The following RPS6KA2 variants were observed in gnomAD, a reference collection of about 807,000 sequenced individuals.
RPS6KA2 encodes ribosomal protein S6 kinase A2, also known as ribosomal protein S6 kinase alpha-2.
A neutral mutation model predicts 91.8 loss-of-function variants in RPS6KA2; 42 were observed. The ratio of observed to expected loss-of-function variants is 0.46; its 90% CI spans 0.36 to 0.59. The LOEUF (loss-of-function observed/expected upper bound fraction) is 0.59. Ranked by LOEUF, RPS6KA2 falls within the 20% of genes least tolerant of loss-of-function variation. The pLI is 0.00. For missense variants in RPS6KA2, 798 were observed against 978.5 expected (o/e 0.82, Z 2.46); for synonymous variants, 414 against 393.6 (o/e 1.05, Z -0.61).
At chr6:166,541,118 T>C (rs1028594487) in intron 1 of RPS6KA2, among the ~76,000 whole-genome samples, 1 of 152,182 alleles carries the variant, frequency 6.6e-6, no homozygotes, top group Non-Finnish European at 1.5e-5. Flanking sequence ...GCTCCCATCA[T>C]GCAGCTGTGT....
intron 17 of RPS6KA2, among the ~76,000 whole-genome samples, chr6:166,420,862 C>G (rs1443252572): frequency 6.6e-6 from 1 of 152,162 alleles, no homozygotes; most frequent in Admixed American, 6.6e-5. Context: ...GAGGGCAATC[C>G]TCTGATATAG....
At chr6:166,688,520 T>G (rs1789093853) in intron 2 of RPS6KA2, among the ~76,000 whole-genome samples, 1 of 152,092 alleles carries the variant, frequency 6.6e-6, no homozygotes. Context: ...CCCCTAGCAA[T>G]GAGCAGAACC....
rs1781745833 is a variant in RPS6KA2, at chr6:166,495,240, T to C, written c.747+3268A>G. ...GTTGGGTTGAGATCAAATGTGAAGA[T>C]GGCCAGGCAGCCTTAGCTTGTGGTC... On this transcript the variant is annotated intron_variant, in intron 8 of 20. Transcript: ENST00000265678. This position sits in a 1 kb window ranked among gnomAD's most constrained non-coding sequence, Gnocchi z 4.4. Among the ~76,000 whole-genome samples, 1 of 151,982 alleles carries C rather than the reference T, an allele frequency of 6.6e-6. No homozygotes were observed. The highest frequency in any genetic ancestry group is 1.5e-5 in the Non-Finnish European group (1 of 68,038).
In RPS6KA2 at chr6:166,770,038, C is replaced by T. The variant is rs1416352936; in HGVS notation, c.123+88162G>A. Among the ~76,000 whole-genome samples, 1 of 152,198 alleles carries T rather than the reference C, an allele frequency of 6.6e-6. No homozygotes were observed. The highest frequency in any genetic ancestry group is 1.5e-5 in the Non-Finnish European group (1 of 68,032). On this transcript the variant is annotated intron_variant, in intron 2 of 21. Transcript: ENST00000503859. The surrounding 1 kb of genome is among the most constrained non-coding windows in gnomAD (Gnocchi z 5.1). The stretch of plus-strand genomic sequence containing the variant: ...AGTTTAACGTATCAATGTAGATGAA[C>T]ATAAGCTCAACCAGAAACCAACTTC...
At chr6:166,819,414 AC>A (rs1779847657) in intron 2 of RPS6KA2, among the ~76,000 whole-genome samples, 1 of 152,006 alleles carries the variant, frequency 6.6e-6, no homozygotes, top group Non-Finnish European at 1.5e-5. Context: ...AACCCCATAT[AC>A]CCATATCTGC....
chr6:166,597,637 T>C (rs774708061), intron 1 of RPS6KA2, among the ~76,000 whole-genome samples: 5 of 152,246 alleles, frequency 3.3e-5, no homozygotes, highest in Admixed American at 6.5e-5. Context: ...ATCATGGAGC[T>C]GATAACATGC....
intron 2 of RPS6KA2, among the ~76,000 whole-genome samples, chr6:166,820,115 T>C (rs1375552077): frequency 2.0e-5 from 3 of 152,220 alleles, no homozygotes; most frequent in Non-Finnish European, 4.4e-5. Flanking sequence ...GGGCTATCTG[T>C]ATGTATCTTT....
chr6:166,672,714 C>A (rs1788504938), intron 2 of RPS6KA2, among the ~76,000 whole-genome samples: 1 of 152,182 alleles, frequency 6.6e-6, no homozygotes, highest in Non-Finnish European at 1.5e-5. Flanking sequence ...CAGAGGGGGG[C>A]CGGCTCACCG....
At chr6:166,735,265 G>A (rs753945054) in intron 2 of RPS6KA2, among the ~76,000 whole-genome samples, 7 of 152,154 alleles carry the variant, frequency 4.6e-5, no homozygotes, top group African/African-American at 1.2e-4. Context: ...AGCAAACAAC[G>A]TGACACAAAA....
intron 2 of RPS6KA2, among the ~76,000 whole-genome samples, chr6:166,650,835 G>C (rs1207572739): frequency 6.6e-6 from 1 of 152,194 alleles, no homozygotes; most frequent in Non-Finnish European, 1.5e-5. Context: ...GAAGACTGCA[G>C]GTCTCGTTTG....
rs1788275701 is a variant in RPS6KA2, at chr6:166,665,011, G to A, written c.124-126227C>T. Among the ~76,000 whole-genome samples the A allele has an allele frequency of 6.6e-6, 1 of 152,194 alleles. No individual in the cohort carries two copies. The highest frequency in any genetic ancestry group is 2.4e-5 in the African/African-American group (1 of 41,446). On this transcript the variant is annotated intron_variant, in intron 2 of 21. Coordinates refer to the RPS6KA2 transcript ENST00000503859. The surrounding 1 kb of genome is among the most constrained non-coding windows in gnomAD (Gnocchi z 4.5). ...TGTAACCCCAGTACTTTGAGAGGCTGAGGCAAGAGGATTGCTTGAGCCCAG... is the reference window on the plus strand; with the variant it reads ...TGTAACCCCAGTACTTTGAGAGGCTAAGGCAAGAGGATTGCTTGAGCCCAG...
chr6:166,648,585 G>A lies in RPS6KA2; in HGVS notation c.124-109801C>T, dbSNP rs185603221. ...GAGTTCGTATATTCCTGAATGACTC[G>A]CCATTTTAGTATTTTCACCTATCAC... is the stretch of plus-strand genomic sequence containing the variant. On this transcript the variant is annotated intron_variant, in intron 2 of 21. Transcript: ENST00000503859. This position sits in a 1 kb window ranked among gnomAD's most constrained non-coding sequence, Gnocchi z 4.8. Among the ~76,000 whole-genome samples the A allele has an allele frequency of 1.4e-3, 214 of 152,202 alleles. 1 individual carries two copies. Among genetic ancestry groups the A allele is most frequent in the African/African-American group, 4.9e-3 (202 of 41,516 alleles).
intron 2 of RPS6KA2, among the ~76,000 whole-genome samples, chr6:166,730,115 T>C (rs1790466396): frequency 6.6e-6 from 1 of 152,264 alleles, no homozygotes. Flanking sequence ...ACTTTCTATA[T>C]TGCTTTTGAA....
chr6:166,505,282 G>A (rs1782162208), intron 5 of RPS6KA2, among the ~76,000 whole-genome samples: 2 of 152,280 alleles, frequency 1.3e-5, no homozygotes, highest in Admixed American at 1.3e-4. Context: ...GCTGGGAGGT[G>A]ACCAGGCAGG....
chr6:166,538,293 T>C (rs1394193165), intron 2 of RPS6KA2, among the ~76,000 whole-genome samples: 2 of 152,160 alleles, frequency 1.3e-5, no homozygotes, highest in African/African-American at 2.4e-5. Context: ...TTATTCTTTT[T>C]TTCCTTGTTC....
intron 3 of RPS6KA2, among the ~76,000 whole-genome samples, chr6:166,526,341 CTTTTTTTTT>C (rs10616497): frequency 5.9e-5 from 6 of 101,866 alleles, no homozygotes; most frequent in Admixed American, 2.3e-4. Context: ...GTTTATATGG[CTTTTTTTTT>C]TTTTTTTTTT....
At chr6:166,469,674 C>T (rs1054166596) in intron 11 of RPS6KA2, among the ~76,000 whole-genome samples, 167 bp downstream of exon 11, 59 of 152,180 alleles carry the variant, frequency 3.9e-4, no homozygotes, top group African/African-American at 1.4e-3. Context: ...GTTGCCAGCC[C>T]GCTCAGCAGG....
intron 2 of RPS6KA2, among the ~76,000 whole-genome samples, chr6:166,817,995 T>C (rs948074541): frequency 6.6e-6 from 1 of 152,104 alleles, no homozygotes; most frequent in African/African-American, 2.4e-5. Context: ...AGTGATAACA[T>C]TATAGGTGTG....
Position 166,423,480 on chromosome 6 carries a change from G to T in RPS6KA2, c.1582-63C>A. On this transcript the variant is annotated intron_variant, in intron 16 of 20. Coordinates refer to ENST00000265678, the MANE Select transcript of RPS6KA2 (RefSeq NM_021135.6). This position sits in a 1 kb window ranked among gnomAD's most constrained non-coding sequence, Gnocchi z 4.8. ...AGGACTGAGCAGGAGAGGGAGGGCA[G>T]GTGCATTTGGAGGGGAGGGTGCATT... 6.6e-7 allele frequency: 1 copy of T among 1,509,560 alleles called. No individual in the cohort carries two copies. The highest frequency in any genetic ancestry group is 1.2e-5 in the South Asian group (1 of 81,658). 93.5% of individuals were successfully genotyped at this position (1,509,560 alleles called of 1,614,324 possible). A position where few individuals can be genotyped will look rare whatever the true frequency, so the allele number is the denominator to read the frequency against.
Sources: allele counts gnomAD v4.1 joint callset (sites outside exome capture counted in the v4.1 genomes callset), GRCh38; gene constraint gnomAD v4.1.1; non-coding constraint Gnocchi (gnomAD v3.1); transcripts MANE v1.5; gene names NCBI Gene and HGNC (gene_info 2026-07-23, HGNC 2026-07-21).